Variants in KAZN observed in about 807,000 individuals in gnomAD.
The protein encoded by KAZN is kazrin.
Under a neutral mutation model 87.4 loss-of-function variants are expected in KAZN, and 40 were observed. That is an observed-to-expected ratio of 0.46 (90% CI 0.36 to 0.60). The LOEUF is 0.60. KAZN is among the 20% of genes least tolerant of loss of function. KAZN has a pLI of 0.00. For missense variants in KAZN, 898 were observed against 1,073.9 expected (o/e 0.84, Z 2.29); for synonymous variants, 466 against 458.3 (o/e 1.02, Z -0.22).
At chr1:14,589,283 A>G in intron 2 of KAZN, among the ~76,000 whole-genome samples, 1 of 151,370 alleles carries the variant, frequency 6.6e-6, no homozygotes, top group African/African-American at 2.4e-5. Flanking sequence ...AGTTCCAAAT[A>G]TGATATCGTA....
chr1:14,872,005 C>T (rs149416621), intron 1 of KAZN, among the ~76,000 whole-genome samples: 6 of 152,250 alleles, frequency 3.9e-5, no homozygotes, highest in Non-Finnish European at 5.9e-5. Context: ...CATGAATATG[C>T]GCAGACAGCA....
At chr1:14,385,368 T>C (rs1409780069) in intron 2 of KAZN, among the ~76,000 whole-genome samples, 1 of 152,186 alleles carries the variant, frequency 6.6e-6, no homozygotes, top group Non-Finnish European at 1.5e-5. Flanking sequence ...TTGAATATGT[T>C]TGCTCTTGCT....
intron 2 of KAZN, among the ~76,000 whole-genome samples, chr1:14,255,970 A>G (rs1198233037): frequency 3.3e-5 from 5 of 152,170 alleles, no homozygotes. Flanking sequence ...TAAACCCAGA[A>G]AGGAAGTTTG....
chr1:15,101,189 C>CTCTCTCTCTCTCTCT (rs1573306187), intron 10 of KAZN, among the ~76,000 whole-genome samples: 1 of 41,698 alleles, frequency 2.4e-5, no homozygotes, highest in African/African-American at 7.2e-5. Context: ...TCTCTCTCTG[C>CTCTCTCTCTCTCTCT]CTCTTCCTCT....
intron 1 of KAZN, among the ~76,000 whole-genome samples, chr1:14,068,858 G>A (rs1429860861): frequency 6.6e-6 from 1 of 151,064 alleles, no homozygotes; most frequent in Non-Finnish European, 1.5e-5. Flanking sequence ...GAGTGCAGTG[G>A]CGCCATCTCA....
chr1:14,796,337 G>A (rs1645826803), intron 1 of KAZN, among the ~76,000 whole-genome samples: 1 of 152,112 alleles, frequency 6.6e-6, no homozygotes, highest in East Asian at 1.9e-4. Flanking sequence ...CAAACTCAAG[G>A]CCCATGTCTT....
chr1:14,637,634 G>C (rs2148669394), intron 1 of KAZN, among the ~76,000 whole-genome samples: 1 of 152,238 alleles, frequency 6.6e-6, no homozygotes. Flanking sequence ...GTGTGTGTGT[G>C]GGGGCGGGTG....
At chr1:15,051,830 T>C (rs1216912987) in intron 4 of KAZN, among the ~76,000 whole-genome samples, 1 of 152,254 alleles carries the variant, frequency 6.6e-6, no homozygotes, top group Non-Finnish European at 1.5e-5. Flanking sequence ...TCTTATATTG[T>C]GGGACCTTGA....
At chr1:14,858,214 C>CTTTTTTTTT (rs71000342) in intron 1 of KAZN, among the ~76,000 whole-genome samples, 2 of 117,030 alleles carry the variant, frequency 1.7e-5, no homozygotes, top group Non-Finnish European at 3.4e-5. Context: ...TTTTTCTTTT[C>CTTTTTTTTT]TTTTTTTTTT....
At position 14,174,712 on chromosome 1, in the gene KAZN, ATTAG is replaced by A. The variant is rs368135454; in HGVS notation, c.92-5719_92-5716del. On this transcript the variant is annotated intron_variant, in intron 1 of 16. Transcript: ENST00000636203. ...ATTAATCTCAATTATAATCAGAACA[ATTAG>A]TTAATATCAGCATGTTAAAGATTTG... is the stretch of plus-strand genomic sequence containing the variant. 1.3e-3 allele frequency among the ~76,000 whole-genome samples: 193 copies of A among 152,336 alleles called. 1 individual carries two copies. The highest frequency in any genetic ancestry group is 6.8e-3 in the Middle Eastern group (2 of 294).
intron 1 of KAZN, among the ~76,000 whole-genome samples, chr1:14,745,181 T>C (rs3795754): frequency 0.34 from 51,939 of 150,678 alleles, 9,735 homozygotes; most frequent in Middle Eastern, 0.48. Flanking sequence ...CCCAGTGCCC[T>C]GGACCTGGGA....
chr1:14,648,864 CT>C (rs1332197800), intron 1 of KAZN, among the ~76,000 whole-genome samples: 1 of 152,222 alleles, frequency 6.6e-6, no homozygotes, highest in Non-Finnish European at 1.5e-5. Context: ...TCACTGGAGT[CT>C]TTGGGGCATG....
At chr1:14,985,362 T>C (rs1666698773) in intron 2 of KAZN, among the ~76,000 whole-genome samples, 1 of 149,600 alleles carries the variant, frequency 6.7e-6, no homozygotes, top group South Asian at 2.2e-4. Flanking sequence ...AGACCTTGTC[T>C]CTATAAAACA....
intron 1 of KAZN, among the ~76,000 whole-genome samples, chr1:14,144,175 A>G (rs985895208): frequency 6.6e-6 from 1 of 152,136 alleles, no homozygotes; most frequent in Non-Finnish European, 1.5e-5. Context: ...AACTCGGATA[A>G]GCAGTTCTCT....
intron 1 of KAZN, among the ~76,000 whole-genome samples, chr1:14,623,441 G>A (rs1239546082): frequency 6.6e-6 from 1 of 152,138 alleles, no homozygotes; most frequent in African/African-American, 2.4e-5. Context: ...CACAAAGAAG[G>A]GAATGACAGA....
chr1:14,180,113 T>C (rs908208325), intron 1 of KAZN, among the ~76,000 whole-genome samples: 8 of 152,126 alleles, frequency 5.3e-5, no homozygotes, highest in Non-Finnish European at 1.5e-5. Flanking sequence ...TATTCATGTA[T>C]CTATTTAACA....
At position 15,077,387 on chromosome 1, in the gene KAZN, A is replaced by G. The variant is rs72639886; in HGVS notation, c.1222+11634A>G. Among the ~76,000 whole-genome samples, 1,404 of 151,582 alleles carry G rather than the reference A, an allele frequency of 9.3e-3. 51 individuals are homozygous for G. The East Asian group carries it at 0.1, about 11-fold the overall frequency. On this transcript the variant is annotated intron_variant, in intron 8 of 14. Transcript: ENST00000376030. The surrounding 1 kb of genome is among the most constrained non-coding windows in gnomAD (Gnocchi z 4.8). The stretch of plus-strand genomic sequence containing the variant: ...TCACTGGAGGGCCCTCCTGTCCTCC[A>G]CTCCCTGACGGCCAGGCAGCAGGGC...
chr1:14,579,311 C>T (rs1229633345), intron 2 of KAZN, among the ~76,000 whole-genome samples: 1 of 152,114 alleles, frequency 6.6e-6, no homozygotes, highest in Non-Finnish European at 1.5e-5. Flanking sequence ...CATTAATGCC[C>T]CCAAATTGTG....
At chr1:14,520,841 GA>G (rs1251753693) in intron 2 of KAZN, among the ~76,000 whole-genome samples, 1 of 152,182 alleles carries the variant, frequency 6.6e-6, no homozygotes. Context: ...ACTAAAAAAT[GA>G]AAGAGCTGAA....
Sources: gnomAD v4.1 joint callset for allele counts (sites outside exome capture counted in the v4.1 genomes callset) on GRCh38, gnomAD v4.1.1 for gene constraint, Gnocchi (gnomAD v3.1) non-coding constraint, MANE v1.5 for transcripts, NCBI Gene and HGNC (gene_info 2026-07-23, HGNC 2026-07-21) for gene names.